ATRNL1: variants seen among roughly 807,000 people sequenced by gnomAD.
ATRNL1 encodes the protein attractin like 1, also known as attractin-like protein 1.
Under a neutral mutation model 182.7 loss-of-function variants are expected in ATRNL1, and 95 were observed. The ratio of observed to expected loss-of-function variants is 0.52; its 90% CI spans 0.44 to 0.62. The LOEUF (loss-of-function observed/expected upper bound fraction) is 0.62, where lower values mean the gene tolerates loss of function less well. Among genes scored for constraint, ATRNL1 ranks in the 20% least tolerant of loss-of-function variants. The pLI is 0.00. For missense variants in ATRNL1, 1,471 were observed against 1,679.5 expected (o/e 0.88, Z 2.17); for synonymous variants, 576 against 568.3 (o/e 1.01, Z -0.19).
intron 28 of ATRNL1, among the ~76,000 whole-genome samples, chr10:115,861,688 ATGTTTAACAAATT>A (rs1555103500): frequency 6.6e-6 from 1 of 152,110 alleles, no homozygotes. Flanking sequence ...GATTTTTTCT[ATGTTTAACAAATT>A]TGTTTCGGTC....
chr10:115,774,293 T>C (rs1949065089), intron 27 of ATRNL1, among the ~76,000 whole-genome samples: 1 of 151,880 alleles, frequency 6.6e-6, no homozygotes, highest in African/African-American at 2.4e-5. Flanking sequence ...CCAGGCATGA[T>C]GGCAGGCACC....
intron 18 of ATRNL1, among the ~76,000 whole-genome samples, chr10:115,329,519 T>A (rs1855098211): frequency 6.6e-6 from 1 of 152,120 alleles, no homozygotes; most frequent in Non-Finnish European, 1.5e-5. Flanking sequence ...TTTCTATACC[T>A]CCCTTTGGAT....
At chr10:115,771,263 C>T (rs1186868438) in intron 27 of ATRNL1, among the ~76,000 whole-genome samples, 2 of 147,040 alleles carry the variant, frequency 1.4e-5, no homozygotes, top group African/African-American at 5.1e-5. Flanking sequence ...CAGAGTCTCA[C>T]TCTTTCGCCC....
intron 9 of ATRNL1, among the ~76,000 whole-genome samples, chr10:115,239,946 G>A (rs1850346261): frequency 6.6e-6 from 1 of 152,130 alleles, no homozygotes; most frequent in African/African-American, 2.4e-5. Context: ...CCTGGAGTGG[G>A]AGTTGAGGGA....
At chr10:115,299,323 T>C (rs1853360197) in intron 15 of ATRNL1, among the ~76,000 whole-genome samples, 1 of 152,026 alleles carries the variant, frequency 6.6e-6, no homozygotes, top group Admixed American at 6.6e-5. Context: ...TTATTTCAAG[T>C]TAATTTTGAA....
chr10:115,181,077 A>G (rs1554887757), intron 8 of ATRNL1, among the ~76,000 whole-genome samples: 1 of 151,932 alleles, frequency 6.6e-6, no homozygotes, highest in Non-Finnish European at 1.5e-5. Context: ...GTCCTGGAGA[A>G]TGAGCTTCAC....
rs951071694 is a variant in ATRNL1, at chr10:115,836,737, A to G, written c.3904-11140A>G. 3.3e-5 allele frequency among the ~76,000 whole-genome samples: 5 copies of G among 152,208 alleles called. No homozygotes were observed. In the South Asian group the frequency reaches 1.0e-3, roughly 31 times the overall value. ...TTACATTGGCAAAGGCCCTATTTCC[A>G]AAAGAGGTCACATTCTGAGGTTCTG... On this transcript the variant is annotated intron_variant, in intron 27 of 28. Transcript: ENST00000355044.
intron 27 of ATRNL1, among the ~76,000 whole-genome samples, chr10:115,738,891 A>G (rs1948059452): frequency 6.6e-6 from 1 of 152,096 alleles, no homozygotes; most frequent in Non-Finnish European, 1.5e-5. Flanking sequence ...CCCTAGGTTA[A>G]CTGTCCTAAT....
intron 26 of ATRNL1, among the ~76,000 whole-genome samples, chr10:115,596,388 G>A (rs1856242871): frequency 6.6e-6 from 1 of 152,174 alleles, no homozygotes; most frequent in Admixed American, 6.5e-5. Context: ...TTACAGGCAT[G>A]AGCCACCACG....
chr10:115,153,342 G>A (rs987987318), intron 5 of ATRNL1, among the ~76,000 whole-genome samples: 7 of 152,146 alleles, frequency 4.6e-5, no homozygotes, highest in South Asian at 4.2e-4. Flanking sequence ...GAATGTGTCT[G>A]GTCCTGGACA....
intron 26 of ATRNL1, among the ~76,000 whole-genome samples, chr10:115,578,935 C>T (rs1440006570): frequency 1.3e-5 from 2 of 151,648 alleles, no homozygotes; most frequent in African/African-American, 4.8e-5. Flanking sequence ...TCATTTCTCT[C>T]AAGATAGTTT....
At chr10:115,432,852 T>G (rs1846233643) in intron 21 of ATRNL1, among the ~76,000 whole-genome samples, 1 of 151,962 alleles carries the variant, frequency 6.6e-6, no homozygotes. Context: ...TTAATTGTAA[T>G]AACAATTTTA....
chr10:115,551,456 C>G (rs1203552906), intron 26 of ATRNL1, among the ~76,000 whole-genome samples: 3 of 151,364 alleles, frequency 2.0e-5, no homozygotes, highest in Non-Finnish European at 4.4e-5. Flanking sequence ...CAGTTTTTAT[C>G]TGTATTATTA....
Position 115,120,167 on chromosome 10 carries a change from T to C in ATRNL1, c.294-18T>C. ...TATTTTAAGGTAATTATTTTCATTA[T>C]TTTATTTTCTCTTCCAGGTTAACAG... On this transcript the variant is annotated intron_variant, in intron 1 of 28. Transcript: ENST00000355044. 7.2e-7 allele frequency: 1 copy of C among 1,395,858 alleles called. No homozygotes were observed. Among genetic ancestry groups the C allele is most frequent in the Non-Finnish European group, 1.0e-6 (1 of 991,590 alleles). The allele number at this position is 1,395,858 out of a possible 1,614,324, so 86.5% of individuals were successfully genotyped here.
intron 8 of ATRNL1, among the ~76,000 whole-genome samples, chr10:115,181,213 T>G (rs114686383): frequency 0.012 from 1,868 of 151,884 alleles, 34 homozygotes; most frequent in African/African-American, 0.042. Context: ...TGTGCAAATG[T>G]TACATGTTTT....
intron 28 of ATRNL1, among the ~76,000 whole-genome samples, chr10:115,906,773 A>G (rs915711535): frequency 6.6e-6 from 1 of 152,138 alleles, no homozygotes; most frequent in African/African-American, 2.4e-5. Flanking sequence ...CTTCATCTTT[A>G]CAGTGAAGGC....
intron 27 of ATRNL1, among the ~76,000 whole-genome samples, chr10:115,805,583 G>A (rs781997250): frequency 3.9e-5 from 6 of 152,094 alleles, no homozygotes; most frequent in Admixed American, 3.9e-4. Flanking sequence ...AGTGAGAAGA[G>A]CATCAGGGAG....
At chr10:115,558,864 C>G (rs1283321583) in intron 26 of ATRNL1, among the ~76,000 whole-genome samples, 1 of 152,132 alleles carries the variant, frequency 6.6e-6, no homozygotes, top group African/African-American at 2.4e-5. Flanking sequence ...TTGCTCCCTT[C>G]CTACCCCCTT....
chr10:115,802,201 T>C (rs572699881), intron 27 of ATRNL1, among the ~76,000 whole-genome samples: 1 of 152,198 alleles, frequency 6.6e-6, no homozygotes, highest in Admixed American at 6.5e-5. Flanking sequence ...AACAATGAAC[T>C]CAGCTCTGTC....
Sources: gnomAD v4.1 joint callset for allele counts (sites outside exome capture counted in the v4.1 genomes callset) on GRCh38, gnomAD v4.1.1 for gene constraint, MANE v1.5 for transcripts, NCBI Gene and HGNC (gene_info 2026-07-23, HGNC 2026-07-21) for gene names.